Variants in GRIK2 observed in about 807,000 individuals in gnomAD.
GRIK2 encodes the protein glutamate ionotropic receptor kainate type subunit 2.
GRIK2 carries 32 observed loss-of-function variants against 100.3 expected under a neutral mutation model. The ratio of observed to expected loss-of-function variants is 0.32; its 90% CI spans 0.24 to 0.43. The LOEUF (loss-of-function observed/expected upper bound fraction) is 0.43, where lower values mean the gene tolerates loss of function less well. Among genes scored for constraint, GRIK2 ranks in the 20% least tolerant of loss-of-function variants. GRIK2 has a pLI of 1.00. For missense variants in GRIK2, 843 were observed against 1,114.9 expected (o/e 0.76, Z 3.47); for synonymous variants, 417 against 389.4 (o/e 1.07, Z -0.83).
chr6:101,782,773 T>G (rs1779176240), intron 7 of GRIK2, among the ~76,000 whole-genome samples: 1 of 152,026 alleles, frequency 6.6e-6, no homozygotes, highest in South Asian at 2.1e-4. Flanking sequence ...GTTTATTGAG[T>G]GAGCACCATG....
chr6:101,961,205 G>A (rs1792275864), intron 14 of GRIK2, among the ~76,000 whole-genome samples: 1 of 152,048 alleles, frequency 6.6e-6, no homozygotes, highest in Non-Finnish European at 1.5e-5. Flanking sequence ...TGTAACTGAG[G>A]GTTCCAGCAA....
intron 2 of GRIK2, among the ~76,000 whole-genome samples, chr6:101,409,108 ATGTGTGTGTG>A (rs67806970): frequency 0.066 from 9,149 of 138,460 alleles, 311 homozygotes; most frequent in East Asian, 0.11. Context: ...AACATTGTGT[ATGTGTGTGTG>A]TGTGTGTGTG....
intron 14 of GRIK2, among the ~76,000 whole-genome samples, chr6:101,999,517 T>G (rs980315090): frequency 7.9e-5 from 12 of 152,126 alleles, no homozygotes; most frequent in African/African-American, 2.9e-4. Flanking sequence ...ACTTCACTTT[T>G]GTAGAAACAC....
chr6:101,955,292 A>C (rs548318522), intron 14 of GRIK2, among the ~76,000 whole-genome samples: 1 of 152,192 alleles, frequency 6.6e-6, no homozygotes, highest in East Asian at 1.9e-4. Flanking sequence ...TTTGCTTTAA[A>C]TGTTTGACGG....
intron 10 of GRIK2, among the ~76,000 whole-genome samples, chr6:101,829,934 T>G (rs142339247): frequency 3.3e-5 from 5 of 152,074 alleles, no homozygotes; most frequent in African/African-American, 1.2e-4. Context: ...TATTCTAAAA[T>G]TCATATTGAA....
intron 2 of GRIK2, among the ~76,000 whole-genome samples, chr6:101,489,299 G>GA (rs1373486432): frequency 6.8e-6 from 1 of 146,012 alleles, no homozygotes; most frequent in East Asian, 2.0e-4. Flanking sequence ...TTGAAAAGTG[G>GA]AAACAGGGCA....
intron 7 of GRIK2, among the ~76,000 whole-genome samples, chr6:101,765,265 T>G (rs1001866216): frequency 3.3e-5 from 5 of 152,190 alleles, no homozygotes; most frequent in Admixed American, 1.3e-4. Flanking sequence ...TACATTTTAC[T>G]GGGCGTGAAC....
At chr6:102,010,487 G>A (rs1795475747) in intron 14 of GRIK2, among the ~76,000 whole-genome samples, 1 of 151,740 alleles carries the variant, frequency 6.6e-6, no homozygotes. Context: ...GAATTCAAGC[G>A]ATTCTTCTGC....
At position 101,588,350 on chromosome 6, in the gene GRIK2, T is replaced by C. The variant is rs181405340; in HGVS notation, c.116-33599T>C. ...TGTGAGAGCTGCAAATAGTTCAAAA[T>C]GACTGGAGAAGAGGCAGGTTGAGGT... On this transcript the variant is annotated intron_variant, in intron 2 of 16. Transcript: ENST00000369134. Among the ~76,000 whole-genome samples the C allele has an allele frequency of 6.6e-5, 10 of 152,046 alleles. No homozygotes were observed. In the East Asian group the frequency reaches 1.7e-3, roughly 27 times the overall value.
At chr6:101,970,982 G>T (rs73498672) in intron 14 of GRIK2, among the ~76,000 whole-genome samples, 11,264 of 146,932 alleles carry the variant, frequency 0.077, 1,602 homozygotes, top group African/African-American at 0.25. Context: ...GCATTATTTT[G>T]GCATAATGGG....
intron 7 of GRIK2, among the ~76,000 whole-genome samples, chr6:101,731,733 T>C (rs1343318107): frequency 1.3e-5 from 2 of 152,002 alleles, no homozygotes; most frequent in African/African-American, 4.8e-5. Flanking sequence ...ACTAGGAATA[T>C]GCAAATGGCA....
chr6:101,988,964 T>C (rs1178232533), intron 14 of GRIK2, among the ~76,000 whole-genome samples: 2 of 151,974 alleles, frequency 1.3e-5, no homozygotes, highest in Non-Finnish European at 2.9e-5. Context: ...CATTGTGTGA[T>C]TGAGACTCAC....
chr6:101,794,339 T>G (rs1195650523), intron 7 of GRIK2, among the ~76,000 whole-genome samples: 1 of 152,174 alleles, frequency 6.6e-6, no homozygotes, highest in Non-Finnish European at 1.5e-5. Context: ...GCTGTTCCTA[T>G]TCGGTCATCT....
chr6:101,852,187 A>C (rs1756447763), intron 10 of GRIK2, among the ~76,000 whole-genome samples: 1 of 152,160 alleles, frequency 6.6e-6, no homozygotes, highest in Non-Finnish European at 1.5e-5. Flanking sequence ...AGTAAAACAA[A>C]ACAAAACAAA....
chr6:101,994,780 T>C (rs1794563473), intron 14 of GRIK2, among the ~76,000 whole-genome samples: 2 of 151,974 alleles, frequency 1.3e-5, no homozygotes, highest in East Asian at 3.9e-4. Context: ...CATCTTGAAT[T>C]GATAATTAAT....
chr6:101,855,239 C>T (rs551442553), intron 10 of GRIK2, among the ~76,000 whole-genome samples: 3 of 152,134 alleles, frequency 2.0e-5, no homozygotes, highest in Admixed American at 6.5e-5. Context: ...TCATTTTCTT[C>T]TATGCACTGA....
At chr6:101,990,406 T>A (rs1423048149) in intron 14 of GRIK2, among the ~76,000 whole-genome samples, 1 of 151,666 alleles carries the variant, frequency 6.6e-6, no homozygotes, top group Non-Finnish European at 1.5e-5. Flanking sequence ...GAGCCTCTAG[T>A]CCATGCCTCT....
At chr6:101,630,558 GTTAT>G (rs1780681666) in intron 4 of GRIK2, among the ~76,000 whole-genome samples, 1 of 151,878 alleles carries the variant, frequency 6.6e-6, no homozygotes, top group Non-Finnish European at 1.5e-5. Flanking sequence ...TTTTAATGGG[GTTAT>G]TTGTTTTTTG....
At chr6:101,798,130 G>C (rs1044378968) in intron 7 of GRIK2, among the ~76,000 whole-genome samples, 5 of 151,032 alleles carry the variant, frequency 3.3e-5, no homozygotes, top group African/African-American at 1.2e-4. Flanking sequence ...CCAGAAAGAG[G>C]AATTACTGGG....
Sources: allele counts gnomAD v4.1 joint callset (sites outside exome capture counted in the v4.1 genomes callset), GRCh38; gene constraint gnomAD v4.1.1; transcripts MANE v1.5; gene names NCBI Gene and HGNC (gene_info 2026-07-23, HGNC 2026-07-21).